NSD1: variants seen among roughly 807,000 people sequenced by gnomAD.
NSD1 encodes the protein histone-lysine N-methyltransferase, H3 lysine-36 specific.
In NSD1, 26 loss-of-function variants were observed where a neutral mutation model predicts 242.7. The observed-to-expected ratio is 0.11, with a 90% CI of 0.08 to 0.15. NSD1 has a LOEUF of 0.15. NSD1 is among the 10% of genes least tolerant of loss of function. The pLI is 1.00. For synonymous variants in NSD1, 1,106 were observed against 1,178.1 expected (o/e 0.94, Z 1.25); for missense variants, 2,495 against 3,272.8 (o/e 0.76, Z 5.80).
Position 177,294,861 on chromosome 5 carries a change from G to T in NSD1, c.7493G>T (p.Gly2498Val). The T allele has an allele frequency of 1.2e-6, 2 of 1,613,086 alleles. No homozygotes were observed. Among genetic ancestry groups the T allele is most frequent in the Non-Finnish European group, 1.7e-6 (2 of 1,179,964 alleles). ...TCATGGCCTGCCAGCAAAGGTCTGG[G>T]GCATATGCCGAGAGCTGTTGAGAAA... Reference protein sequence around the residue: ...SSSWPASKGLGHMPRAVEKGC... With the variant: ...SSSWPASKGLVHMPRAVEKGC... The change falls in exon 23 of 23, where the codon GGG (glycine) becomes GTG (valine). Residue 2498 changes from glycine to valine, a missense_variant. Around this residue, in one of 19 missense-constraint regions of NSD1, gnomAD observed 475 missense variants for 563.7 expected, o/e 0.84. Coordinates refer to ENST00000439151, the MANE Select transcript of NSD1 (RefSeq NM_022455.5).
chr5:177,180,717 C>T (rs1029028017), intron 2 of NSD1, among the ~76,000 whole-genome samples: 9 of 151,128 alleles, frequency 6.0e-5, no homozygotes, highest in Non-Finnish European at 1.5e-5. Context: ...GAGTCTCGCT[C>T]TGTTGCCCAG....
intron 5 of NSD1, among the ~76,000 whole-genome samples, chr5:177,219,101 TGTTGA>T (rs938196612): frequency 5.3e-5 from 8 of 152,124 alleles, no homozygotes; most frequent in African/African-American, 1.9e-4. Flanking sequence ...AAATTTAGGT[TGTTGA>T]GTTGAAAACT....
chr5:177,181,387 G>A (rs1478619333), intron 2 of NSD1, among the ~76,000 whole-genome samples: 1 of 149,090 alleles, frequency 6.7e-6, no homozygotes, highest in African/African-American at 2.5e-5. Context: ...AGAGTCAATC[G>A]TCAATCCATG....
chr5:177,152,328 T>C (rs1254555111), intron 2 of NSD1, among the ~76,000 whole-genome samples: 1 of 142,226 alleles, frequency 7.0e-6, no homozygotes, highest in Non-Finnish European at 1.6e-5. Context: ...TGTGTATGTA[T>C]GTATGTATGT....
At chr5:177,194,161 A>C (rs935131271) in intron 3 of NSD1, among the ~76,000 whole-genome samples, 2 of 152,172 alleles carry the variant, frequency 1.3e-5, no homozygotes, top group Non-Finnish European at 2.9e-5. Flanking sequence ...CTTCTTAGTC[A>C]TCTTCCACGT....
chr5:177,238,173 C>A lies in NSD1; in HGVS notation c.3922-64C>A. On this transcript the variant is annotated intron_variant, in intron 6 of 22. Transcript: ENST00000439151. This position sits in a 1 kb window ranked among gnomAD's most constrained non-coding sequence, Gnocchi z 4.6. ...TTCATTCCTTTTAAAGTGTGTTATT[C>A]TTTTTGACACTTAAATTACAACAAT... 6.4e-7 allele frequency: 1 copy of A among 1,564,328 alleles called. No homozygotes were observed. The highest frequency in any genetic ancestry group is 8.8e-7 in the Non-Finnish European group (1 of 1,135,394).
At chr5:177,171,023 A>G (rs1048429415) in intron 2 of NSD1, among the ~76,000 whole-genome samples, 2 of 151,770 alleles carry the variant, frequency 1.3e-5, no homozygotes, top group Admixed American at 6.6e-5. Context: ...ATGTTAAAAA[A>G]AAAAAAAAAG....
At chr5:177,271,916 G>A (rs550769999) in intron 16 of NSD1, among the ~76,000 whole-genome samples, 2 of 152,262 alleles carry the variant, frequency 1.3e-5, no homozygotes, top group Non-Finnish European at 2.9e-5. Context: ...GGGGTCAGGA[G>A]TTTGAGACCA....
At chr5:177,239,691 A>G (rs920124593) in intron 7 of NSD1, 65 bp from the exon 8 acceptor site, 15 of 965,944 alleles carry the variant, frequency 1.6e-5, no homozygotes, top group Non-Finnish European at 2.2e-5. Context: ...TGGTATACAG[A>G]TTTTTTAAAA....
chr5:177,229,845 G>A (rs1764920469), intron 5 of NSD1: 1 of 276,322 alleles, frequency 3.6e-6, no homozygotes, highest in South Asian at 2.9e-5. Flanking sequence ...CCAGGTTCAA[G>A]TGATTCTCCT....
chr5:177,239,343 C>A (rs1765682664), intron 7 of NSD1, among the ~76,000 whole-genome samples: 1 of 152,170 alleles, frequency 6.6e-6, no homozygotes, highest in South Asian at 2.1e-4. Flanking sequence ...TATGAATTAT[C>A]TTTTACCTAT....
In NSD1 at chr5:177,299,999, T is replaced by C. The variant is rs890969718; in HGVS notation, c.*4540T>C. 2.2e-5 allele frequency: 5 copies of C among 231,166 alleles called. No homozygotes were observed. Among genetic ancestry groups the C allele is most frequent in the South Asian group, 1.8e-4 (1 of 5,478 alleles). The allele number at this position is 231,166 out of a possible 1,614,324, so 14.3% of individuals were successfully genotyped here. ...CAAGCTGACGATAGACATCTACCTA[T>C]ATTGTTAAGAAAGGGGTCGGGGGGA... On this transcript the variant is annotated 3_prime_UTR_variant, in exon 23 of 23. Transcript: ENST00000439151.
chr5:177,210,593 G>C lies in NSD1; in HGVS notation c.2194G>C (p.Asp732His), dbSNP rs151111670. ...GTETSQVNLS[D>H]LKASTLVHKP... is the part of the protein sequence containing the mutation. ...CGAGACGTCTCAGGTTAATCTCTCT[G>C]ATCTGAAGGCATCTACTCTTGTTCA... The change falls in exon 5 of 23, where the codon GAT (aspartate) becomes CAT (histidine). Residue 732 changes from aspartate (D) to histidine (H), a missense_variant. Physicochemically the swap from Asp to His is moderately conservative, Grantham distance 81. This residue lies in a region of NSD1 where 515 missense variants were observed against 467.0 expected (regional missense o/e 1.10). Transcript: ENST00000439151. 1 of 1,613,936 alleles carries C rather than the reference G, an allele frequency of 6.2e-7. No homozygotes were observed. The highest frequency in any genetic ancestry group is 1.3e-5 in the African/African-American group (1 of 74,880).
At chr5:177,166,381 C>T (rs926698575) in intron 2 of NSD1, among the ~76,000 whole-genome samples, 35 of 151,886 alleles carry the variant, frequency 2.3e-4, no homozygotes, top group Admixed American at 7.2e-4. Flanking sequence ...AACCGTGTCT[C>T]TACAAAAAAT....
At chr5:177,206,568 C>T (rs190238036) in intron 4 of NSD1, among the ~76,000 whole-genome samples, 405 of 152,232 alleles carry the variant, frequency 2.7e-3, no homozygotes, top group African/African-American at 9.0e-3. Context: ...ATAACTTACA[C>T]CCTATAGAAC....
chr5:177,223,293 C>T (rs548375120), intron 5 of NSD1, among the ~76,000 whole-genome samples: 22 of 151,872 alleles, frequency 1.4e-4, no homozygotes, highest in Non-Finnish European at 2.1e-4. Flanking sequence ...GTGGCTAGGC[C>T]GGGCACGGTG....
intron 2 of NSD1, among the ~76,000 whole-genome samples, chr5:177,168,894 A>G (rs1415571473): frequency 6.6e-6 from 1 of 152,196 alleles, no homozygotes; most frequent in Non-Finnish European, 1.5e-5. Context: ...AAGAAGTGGT[A>G]GTCAGTTGCA....
rs1171212945 is a variant in NSD1 at position 177,134,120 on chromosome 5, C to T, written c.-18+168C>T. The T allele has an allele frequency of 1.3e-5, 2 of 151,088 alleles. No homozygotes were observed. The highest frequency in any genetic ancestry group is 6.6e-5 in the Admixed American group (1 of 15,230). 9.4% of individuals were successfully genotyped at this position (151,088 alleles called of 1,614,324 possible). A position where few individuals can be genotyped will look rare whatever the true frequency, so the allele number is the denominator to read the frequency against. On this transcript the variant is annotated intron_variant, in intron 1 of 22. Coordinates refer to ENST00000439151, the MANE Select transcript of NSD1 (RefSeq NM_022455.5). The surrounding 1 kb of genome is among the most constrained non-coding windows in gnomAD (Gnocchi z 4.2). ...CGCTGCAGCCGCCGGCCTCCTCCCC[C>T]TCCCCCTCCTCCATCACTACCAGCC...
intron 14 of NSD1, chr5:177,265,323 G>A: frequency 3.2e-6 from 2 of 624,458 alleles, no homozygotes; most frequent in Admixed American, 5.7e-5. Context: ...TATATATAAA[G>A]TGCCAACAGA....
Sources: gnomAD v4.1 joint callset for allele counts (sites outside exome capture counted in the v4.1 genomes callset) on GRCh38, gnomAD v4.1.1 for gene constraint, gnomAD v4.1.1 regional missense constraint, Gnocchi (gnomAD v3.1) non-coding constraint, MANE v1.5 for transcripts, NCBI Gene and HGNC (gene_info 2026-07-23, HGNC 2026-07-21) for gene names.